The following ERBB4 variants were observed in gnomAD, a reference collection of about 807,000 sequenced individuals.
ERBB4 encodes receptor tyrosine-protein kinase erbB-4.
A neutral mutation model predicts 158.0 loss-of-function variants in ERBB4; 42 were observed. The observed-to-expected ratio is 0.27, with a 90% CI of 0.21 to 0.34. The LOEUF (loss-of-function observed/expected upper bound fraction) is 0.34. Among genes scored for constraint, ERBB4 ranks in the 10% least tolerant of loss-of-function variants. ERBB4 has a pLI of 1.00. For missense variants in ERBB4, 1,333 were observed against 1,624.1 expected (o/e 0.82, Z 3.08); for synonymous variants, 583 against 558.7 (o/e 1.04, Z -0.61).
intron 5 of ERBB4, among the ~76,000 whole-genome samples, chr2:211,737,559 A>G (rs2074643283): frequency 1.3e-5 from 2 of 152,182 alleles, no homozygotes; most frequent in African/African-American, 4.8e-5. Flanking sequence ...ACTTTACATA[A>G]TAGCTAATTT....
intron 19 of ERBB4, among the ~76,000 whole-genome samples, chr2:211,594,798 C>A (rs1255452173): frequency 6.6e-6 from 1 of 151,896 alleles, no homozygotes; most frequent in Admixed American, 6.5e-5. Context: ...TTGTTGCATT[C>A]TTTTATGTAT....
chr2:212,319,811 C>T (rs2087474802), intron 1 of ERBB4, among the ~76,000 whole-genome samples: 1 of 150,134 alleles, frequency 6.7e-6, no homozygotes, highest in Admixed American at 6.7e-5. Context: ...AATGCCAGCC[C>T]CTTTCTCAAG....
At chr2:211,475,979 A>C (rs985414490) in intron 20 of ERBB4, among the ~76,000 whole-genome samples, 7 of 152,112 alleles carry the variant, frequency 4.6e-5, no homozygotes, top group African/African-American at 1.7e-4. Flanking sequence ...AAAATAACAA[A>C]TATAAAAATG....
At chr2:211,639,749 T>C (rs1468405937) in intron 16 of ERBB4, among the ~76,000 whole-genome samples, 2 of 151,516 alleles carry the variant, frequency 1.3e-5, no homozygotes, top group African/African-American at 4.9e-5. Context: ...TGAGAAGGAG[T>C]CTTACTCTGT....
intron 18 of ERBB4, among the ~76,000 whole-genome samples, chr2:211,622,928 A>C (rs1177143034): frequency 7.8e-6 from 1 of 127,918 alleles, no homozygotes; most frequent in Non-Finnish European, 1.6e-5. Context: ...ACACCATTGC[A>C]CTACAGCCTG....
chr2:212,215,836 A>C (rs1319864124), intron 1 of ERBB4, among the ~76,000 whole-genome samples: 1 of 151,446 alleles, frequency 6.6e-6, no homozygotes, highest in South Asian at 2.1e-4. Context: ...ACTTTTCTTA[A>C]ATTGATTTAT....
chr2:211,580,905 AT>A (rs1317829739), intron 19 of ERBB4, among the ~76,000 whole-genome samples: 423 of 6,294 alleles, frequency 0.067, 83 homozygotes, highest in African/African-American at 0.34. Flanking sequence ...ATATATATAT[AT>A]ATATATATAT....
At chr2:212,434,652 C>T (rs1458024994) in intron 1 of ERBB4, among the ~76,000 whole-genome samples, 1 of 151,904 alleles carries the variant, frequency 6.6e-6, no homozygotes, top group Non-Finnish European at 1.5e-5. Flanking sequence ...CAAAGGGAAT[C>T]CTCTCTTGTG....
intron 2 of ERBB4, among the ~76,000 whole-genome samples, chr2:211,978,339 G>A (rs1321473586): frequency 1.3e-5 from 2 of 151,870 alleles, no homozygotes; most frequent in South Asian, 2.1e-4. Context: ...AGGGAAGGTG[G>A]AGCCAGAAAG....
intron 2 of ERBB4, among the ~76,000 whole-genome samples, chr2:211,953,206 T>C (rs867048995): frequency 2.0e-5 from 3 of 151,982 alleles, no homozygotes; most frequent in South Asian, 2.1e-4. Context: ...ATGAATTATG[T>C]CCAAGGACCA....
intron 1 of ERBB4, among the ~76,000 whole-genome samples, chr2:212,326,616 C>T (rs1055576392): frequency 4.6e-5 from 7 of 150,646 alleles, no homozygotes; most frequent in African/African-American, 1.7e-4. Context: ...TATAGAAATG[C>T]TATTTTATAT....
chr2:212,398,796 C>T (rs2091104321), intron 1 of ERBB4, among the ~76,000 whole-genome samples: 1 of 152,020 alleles, frequency 6.6e-6, no homozygotes. Flanking sequence ...AAAGTGATTA[C>T]ACCAACTCAT....
chr2:212,308,297 AG>A (rs546936305), intron 1 of ERBB4, among the ~76,000 whole-genome samples: 117 of 151,260 alleles, frequency 7.7e-4, no homozygotes, highest in Non-Finnish European at 4.2e-4. Context: ...AAAAATAATT[AG>A]TTTTTCTCAT....
At chr2:211,663,004 T>C (rs1851185) in intron 15 of ERBB4, among the ~76,000 whole-genome samples, 109,503 of 152,056 alleles carry the variant, frequency 0.72, 40,232 homozygotes, top group Middle Eastern at 0.82. Context: ...TAAAAATAGT[T>C]ACTTGCTCCA....
intron 2 of ERBB4, among the ~76,000 whole-genome samples, chr2:212,055,442 A>T (rs1429934752): frequency 6.6e-6 from 1 of 152,196 alleles, no homozygotes; most frequent in Non-Finnish European, 1.5e-5. Flanking sequence ...GGTTCTCCCA[A>T]CACAGAGTCT....
intron 3 of ERBB4, among the ~76,000 whole-genome samples, chr2:211,906,846 G>T (rs2079405437): frequency 6.6e-6 from 1 of 151,508 alleles, no homozygotes; most frequent in African/African-American, 2.4e-5. Context: ...AAGGATAATG[G>T]CATCTTGTCT....
chr2:212,333,987 C>A (rs571112316), intron 1 of ERBB4, among the ~76,000 whole-genome samples: 3 of 152,070 alleles, frequency 2.0e-5, no homozygotes, highest in East Asian at 1.9e-4. Flanking sequence ...AGGCTCAATG[C>A]AAAAATTAAA....
intron 1 of ERBB4, among the ~76,000 whole-genome samples, chr2:212,261,974 A>T (rs72945656): frequency 9.6e-4 from 146 of 152,296 alleles, no homozygotes; most frequent in Non-Finnish European, 1.7e-3. Flanking sequence ...GTGAAACTAA[A>T]TCACAACAGA....
chr2:211,606,914 G>A (rs2069002481), intron 19 of ERBB4, among the ~76,000 whole-genome samples: 1 of 152,102 alleles, frequency 6.6e-6, no homozygotes, highest in Admixed American at 6.6e-5. Flanking sequence ...AACCCCTTGT[G>A]TTCGCAAGTC....
Sources: allele counts gnomAD v4.1 joint callset (sites outside exome capture counted in the v4.1 genomes callset), GRCh38; gene constraint gnomAD v4.1.1; transcripts MANE v1.5; gene names NCBI Gene and HGNC (gene_info 2026-07-23, HGNC 2026-07-21).